Variants in MAD1L1 observed in about 807,000 individuals in gnomAD.
The protein encoded by MAD1L1 is mitotic spindle assembly checkpoint protein MAD1.
Under a neutral mutation model 96.9 loss-of-function variants are expected in MAD1L1, and 95 were observed. That is an observed-to-expected ratio of 0.98 (90% CI 0.83 to 1.16). MAD1L1 has a LOEUF of 1.16. Among genes scored for constraint, MAD1L1 ranks in the 50% most tolerant of loss-of-function variants. The pLI is 0.00. For synonymous variants in MAD1L1, 473 were observed against 396.6 expected (o/e 1.19, Z -2.29); for missense variants, 1,007 against 954.4 (o/e 1.06, Z -0.73).
At chr7:2,180,085 C>G (rs1791129087) in intron 10 of MAD1L1, among the ~76,000 whole-genome samples, 2 of 152,308 alleles carry the variant, frequency 1.3e-5, no homozygotes, top group South Asian at 4.1e-4. Context: ...TTCAACATCA[C>G]AAATGCCTGA....
At chr7:2,116,819 G>A (rs1263243174) in intron 11 of MAD1L1, among the ~76,000 whole-genome samples, 1 of 152,240 alleles carries the variant, frequency 6.6e-6, no homozygotes, top group African/African-American at 2.4e-5. Flanking sequence ...CAAGTACGAG[G>A]TGGTCTGCAC....
intron 11 of MAD1L1, among the ~76,000 whole-genome samples, chr7:2,098,535 G>A (rs1299298538): frequency 6.6e-6 from 1 of 152,332 alleles, no homozygotes; most frequent in Admixed American, 6.5e-5. Flanking sequence ...GCCATCATGT[G>A]TATGGTCTCT....
At chr7:2,192,177 C>T (rs1486886652) in intron 10 of MAD1L1, among the ~76,000 whole-genome samples, 1 of 151,354 alleles carries the variant, frequency 6.6e-6, no homozygotes, top group Admixed American at 6.6e-5. Flanking sequence ...ATTGCCCAGG[C>T]TGGAGTGTAA....
At chr7:1,938,550 A>C (rs953783702) in intron 16 of MAD1L1, among the ~76,000 whole-genome samples, 9 of 151,490 alleles carry the variant, frequency 5.9e-5, no homozygotes, top group Admixed American at 5.3e-4. Flanking sequence ...GAACATACGA[A>C]GAAGTCAGAA....
intron 18 of MAD1L1, among the ~76,000 whole-genome samples, chr7:1,856,498 G>A (rs1308773225): frequency 3.3e-5 from 5 of 152,270 alleles, no homozygotes; most frequent in African/African-American, 1.2e-4. Flanking sequence ...CTGGCCAGCT[G>A]TCGGCTAATC....
chr7:1,926,941 T>A (rs925029758), intron 17 of MAD1L1, among the ~76,000 whole-genome samples: 1 of 152,020 alleles, frequency 6.6e-6, no homozygotes, highest in Non-Finnish European at 1.5e-5. Context: ...AGCAAAACTG[T>A]CCCTATTCAC....
chr7:2,099,128 A>G (rs938475383), intron 11 of MAD1L1, among the ~76,000 whole-genome samples: 2 of 152,200 alleles, frequency 1.3e-5, no homozygotes, highest in African/African-American at 4.8e-5. Context: ...TCCTAAGCGC[A>G]GTGGTAGCAC....
intron 15 of MAD1L1, among the ~76,000 whole-genome samples, chr7:1,977,175 G>A (rs573449809): frequency 7.2e-5 from 11 of 152,350 alleles, no homozygotes; most frequent in African/African-American, 4.8e-5. Context: ...CCGCGCCGTC[G>A]GGGAGGCTGG....
intron 18 of MAD1L1, among the ~76,000 whole-genome samples, chr7:1,819,440 T>C (rs977937487): frequency 2.6e-5 from 4 of 152,152 alleles, no homozygotes; most frequent in Non-Finnish European, 5.9e-5. Flanking sequence ...CACTGCACTC[T>C]AGTCCAGACC....
chr7:1,948,143 AG>A (rs1213095034), intron 16 of MAD1L1, among the ~76,000 whole-genome samples: 1 of 152,032 alleles, frequency 6.6e-6, no homozygotes, highest in Non-Finnish European at 1.5e-5. Context: ...GCAGGGGGCG[AG>A]GGAGTGGCCC....
At chr7:2,231,287 G>A (rs1329803196) in intron 1 of MAD1L1, among the ~76,000 whole-genome samples, 2 of 152,056 alleles carry the variant, frequency 1.3e-5, no homozygotes, top group Non-Finnish European at 2.9e-5. Flanking sequence ...AACGGGGTGA[G>A]ACAGTGTCTC....
chr7:1,866,184 C>A lies in MAD1L1; in HGVS notation c.1998+32016G>T, dbSNP rs143470954. Among the ~76,000 whole-genome samples the A allele has an allele frequency of 4.2e-3, 637 of 152,256 alleles. 6 individuals carry two copies. Among genetic ancestry groups the A allele is most frequent in the African/African-American group, 0.015 (604 of 41,528 alleles). ...CCGGGTGCACACTGGGAGCCAGGTG[C>A]CTGGGTTGGGAGTATAGGGCCTCAG... is the stretch of plus-strand genomic sequence containing the variant. On this transcript the variant is annotated intron_variant, in intron 18 of 18. Transcript: ENST00000265854.
intron 11 of MAD1L1, among the ~76,000 whole-genome samples, chr7:2,106,658 C>T (rs954721756): frequency 2.0e-5 from 3 of 152,246 alleles, no homozygotes; most frequent in African/African-American, 7.2e-5. Context: ...ACACTCTCGG[C>T]CCATCCCGCA....
At chr7:2,160,646 T>G (rs1385241990) in intron 10 of MAD1L1, among the ~76,000 whole-genome samples, 3 of 151,772 alleles carry the variant, frequency 2.0e-5, no homozygotes, top group Admixed American at 1.3e-4. Flanking sequence ...TTTTTTTTCT[T>G]TTTTGAGACA....
chr7:1,876,067 C>A (rs1443639518), intron 18 of MAD1L1, among the ~76,000 whole-genome samples: 1 of 152,202 alleles, frequency 6.6e-6, no homozygotes, highest in Admixed American at 6.5e-5. Flanking sequence ...GCGGTCTCAG[C>A]CCCCCGCCGT....
chr7:2,007,785 C>G (rs1323874715), intron 13 of MAD1L1, among the ~76,000 whole-genome samples: 1 of 152,242 alleles, frequency 6.6e-6, no homozygotes, highest in Non-Finnish European at 1.5e-5. Context: ...ATATTCACAG[C>G]AGCTCTGTCC....
chr7:2,074,839 G>A (rs1000008033), intron 11 of MAD1L1, among the ~76,000 whole-genome samples: 7 of 151,110 alleles, frequency 4.6e-5, no homozygotes, highest in Non-Finnish European at 8.8e-5. Context: ...CCGGAGGCTG[G>A]GGGGGCCCTC....
chr7:2,206,226 T>C (rs1490430497), intron 10 of MAD1L1, among the ~76,000 whole-genome samples: 1 of 152,268 alleles, frequency 6.6e-6, no homozygotes, highest in Non-Finnish European at 1.5e-5. Context: ...GTTCCTTCTC[T>C]ATCCTGGAGC....
intron 13 of MAD1L1, among the ~76,000 whole-genome samples, chr7:2,012,515 A>C (rs559476320): frequency 9.9e-5 from 15 of 152,218 alleles, no homozygotes; most frequent in African/African-American, 3.4e-4. Context: ...GTGACGACTG[A>C]AGGTCAGTGT....
Sources: gnomAD v4.1 joint callset for allele counts (sites outside exome capture counted in the v4.1 genomes callset) on GRCh38, gnomAD v4.1.1 for gene constraint, MANE v1.5 for transcripts, NCBI Gene and HGNC (gene_info 2026-07-23, HGNC 2026-07-21) for gene names.